The following KAT6B variants were observed in gnomAD, a reference collection of about 807,000 sequenced individuals.
KAT6B encodes histone acetyltransferase KAT6B.
Under a neutral mutation model 187.5 loss-of-function variants are expected in KAT6B, and 10 were observed. The ratio of observed to expected loss-of-function variants is 0.05; its 90% confidence interval spans 0.03 to 0.09. The LOEUF is 0.09. Among genes scored for constraint, KAT6B ranks in the 10% least tolerant of loss-of-function variants. KAT6B has a pLI of 1.00. For synonymous variants in KAT6B, 861 were observed against 926.8 expected (o/e 0.93, Z 1.29); for missense variants, 1,952 against 2,558.9 (o/e 0.76, Z 5.12).
At chr10:74,859,522 A>T (rs745330174) in intron 3 of KAT6B, among the ~76,000 whole-genome samples, 6 of 152,238 alleles carry the variant, frequency 3.9e-5, no homozygotes, top group Non-Finnish European at 7.3e-5. Flanking sequence ...AAAAATTCAG[A>T]AAAATAAACA....
intron 3 of KAT6B, among the ~76,000 whole-genome samples, chr10:74,945,729 C>T (rs1564580341): frequency 6.6e-6 from 1 of 152,130 alleles, no homozygotes; most frequent in Non-Finnish European, 1.5e-5. Context: ...GGATTACAGG[C>T]ATGAGCCACT....
At chr10:74,877,840 C>T (rs924250356) in intron 3 of KAT6B, among the ~76,000 whole-genome samples, 7 of 151,424 alleles carry the variant, frequency 4.6e-5, no homozygotes, top group African/African-American at 1.7e-4. Flanking sequence ...GGTTCTAATC[C>T]TATGTTATCA....
chr10:75,011,921 C>T (rs1039723128), intron 13 of KAT6B, among the ~76,000 whole-genome samples: 1 of 152,144 alleles, frequency 6.6e-6, no homozygotes, highest in African/African-American at 2.4e-5. Context: ...CCACTGCTAC[C>T]ACTATAGCCC....
rs781519333 is a variant in KAT6B, at chr10:75,020,833, G to A, written c.2861+20G>A. On this transcript the variant is annotated intron_variant, in intron 14 of 17. Transcript: ENST00000287239. ...TGGCAGGTGAGTCCTGGGACCCTGG[G>A]CAGCTCCGTGGCTCAGGCATCCCAC... 2 of 1,605,358 alleles carry A rather than the reference G, an allele frequency of 1.2e-6. No individual in the cohort carries two copies. The highest frequency in any genetic ancestry group is 2.2e-5 in the East Asian group (1 of 44,824).
chr10:74,845,807 C>A (rs1040546089), intron 3 of KAT6B, among the ~76,000 whole-genome samples: 5 of 149,132 alleles, frequency 3.4e-5, no homozygotes, highest in Non-Finnish European at 7.4e-5. Context: ...ACCTGTTTTC[C>A]TCAATGCTTT....
At chr10:74,933,392 G>A (rs1328814172) in intron 3 of KAT6B, among the ~76,000 whole-genome samples, 1 of 152,174 alleles carries the variant, frequency 6.6e-6, no homozygotes, top group South Asian at 2.1e-4. Context: ...GTAGGTCACC[G>A]TTGATTTTTG....
chr10:74,856,499 C>T (rs549468748), intron 3 of KAT6B, among the ~76,000 whole-genome samples: 1 of 152,288 alleles, frequency 6.6e-6, no homozygotes, highest in Admixed American at 6.5e-5. Flanking sequence ...AAGACATTGA[C>T]ATTTTTGAAG....
At chr10:75,025,344 C>G in intron 17 of KAT6B, 95 bp downstream of exon 17, 1 of 1,298,752 alleles carries the variant, frequency 7.7e-7, no homozygotes, top group Non-Finnish European at 1.1e-6. Context: ...CCAGAGGCAC[C>G]TGCGAAGTGG....
chr10:74,915,929 G>A (rs1472565401), intron 3 of KAT6B, among the ~76,000 whole-genome samples: 1 of 152,172 alleles, frequency 6.6e-6, no homozygotes, highest in African/African-American at 2.4e-5. Context: ...CTCTTTGGGA[G>A]GCCAAGGCAG....
chr10:74,975,309 G>A (rs536351468), intron 7 of KAT6B, 90 bp from the exon 8 acceptor site: 4 of 1,012,688 alleles, frequency 3.9e-6, no homozygotes, highest in East Asian at 5.2e-5. Flanking sequence ...TAAGCCCATT[G>A]AATGCATCTA....
intron 3 of KAT6B, among the ~76,000 whole-genome samples, chr10:74,844,164 A>G (rs1034657749): frequency 6.6e-6 from 1 of 151,638 alleles, no homozygotes; most frequent in Non-Finnish European, 1.5e-5. Context: ...GTGAGCCACC[A>G]TGCCCAGCTA....
intron 3 of KAT6B, among the ~76,000 whole-genome samples, chr10:74,925,996 G>C (rs1193309933): frequency 6.6e-6 from 1 of 152,200 alleles, no homozygotes; most frequent in African/African-American, 2.4e-5. Context: ...GCGCAGTACA[G>C]TGCCAATATG....
At chr10:74,839,606 C>G (rs1007160208) in intron 2 of KAT6B, among the ~76,000 whole-genome samples, 5 of 152,156 alleles carry the variant, frequency 3.3e-5, no homozygotes, top group Admixed American at 6.5e-5. Context: ...ATATTGGGCA[C>G]TTTTCCTGTG....
At chr10:74,929,730 A>C (rs1848738142) in intron 3 of KAT6B, among the ~76,000 whole-genome samples, 1 of 152,326 alleles carries the variant, frequency 6.6e-6, no homozygotes, top group African/African-American at 2.4e-5. Context: ...CCAAGTAATT[A>C]TTTATTACTA....
At position 75,030,995 on chromosome 10, in the gene KAT6B, G is replaced by C; in HGVS notation, c.6171G>C (p.Met2057Ile). The C allele has an allele frequency of 6.2e-7, 1 of 1,614,166 alleles. No homozygotes were observed. ...CGGCCCCCGGACATCACGGCTACAT[G>C]AACACAGGCATGTCCAAACAGTCTC... The part of the protein sequence containing the change: ...MYTAPGHHGY[M>I]NTGMSKQSLN... The change falls in exon 18 of 18, where the codon ATG becomes ATC. Residue 2057 changes from methionine (M) to isoleucine (I), a missense_variant. Coordinates refer to ENST00000287239, the MANE Select transcript of KAT6B (RefSeq NM_012330.4). The surrounding 1 kb of genome is among the most constrained non-coding windows in gnomAD (Gnocchi z 4.8).
chr10:75,020,614 G>C lies in KAT6B; in HGVS notation c.2662G>C (p.Gly888Arg). 6.2e-7 allele frequency: 1 copy of C among 1,614,210 alleles called. No individual in the cohort carries two copies. Among genetic ancestry groups the C allele is most frequent in the Non-Finnish European group, 8.5e-7 (1 of 1,180,022 alleles). Residue 888 changes from glycine to arginine, a missense_variant, in exon 14 of 18, where the codon GGG becomes CGG. Coordinates refer to ENST00000287239, the MANE Select transcript of KAT6B (RefSeq NM_012330.4). ...GCTTTCTAGAAGAGAAGGCCAAGCA[G>C]GGTCTCCTGAAAAGCCTCTCTCCGA... ...YLLSRREGQA[G>R]SPEKPLSDLG...
chr10:74,898,728 T>C (rs1324093620), intron 3 of KAT6B, among the ~76,000 whole-genome samples: 1 of 152,196 alleles, frequency 6.6e-6, no homozygotes, highest in African/African-American at 2.4e-5. Flanking sequence ...ATACTATTAC[T>C]GTGCTATAGC....
In KAT6B at chr10:75,029,444, G is replaced by T; in HGVS notation, c.4620G>T (p.Glu1540Asp). The T allele has an allele frequency of 1.2e-6, 2 of 1,614,136 alleles. No homozygotes were observed. Among genetic ancestry groups the T allele is most frequent in the Non-Finnish European group, 1.7e-6 (2 of 1,180,034 alleles). ...GNPATMEIDSETVQAVQSLTQ... is the reference protein window; with the variant it reads ...GNPATMEIDSDTVQAVQSLTQ... ...CAGCAACCATGGAAATCGACTCTGA[G>T]ACTGTCCAGGCCGTTCAGTCTTTGA... Residue 1540 changes from glutamate (E) to aspartate (D), a missense_variant, in exon 18 of 18, where the codon GAG (glutamate) becomes GAT (aspartate). By Grantham distance (45) the Glu-to-Asp change is conservative. Coordinates refer to ENST00000287239, the MANE Select transcript of KAT6B (RefSeq NM_012330.4). The surrounding 1 kb of genome is among the most constrained non-coding windows in gnomAD (Gnocchi z 6.2).
intron 3 of KAT6B, among the ~76,000 whole-genome samples, chr10:74,872,792 G>A (rs540510301): frequency 1.8e-4 from 28 of 152,076 alleles, no homozygotes; most frequent in African/African-American, 6.3e-4. Flanking sequence ...TGGGGTTACA[G>A]GCATGAGCCA....
Sources: gnomAD v4.1 joint callset for allele counts (sites outside exome capture counted in the v4.1 genomes callset) on GRCh38, gnomAD v4.1.1 for gene constraint, Gnocchi (gnomAD v3.1) non-coding constraint, MANE v1.5 for transcripts, NCBI Gene and HGNC (gene_info 2026-07-23, HGNC 2026-07-21) for gene names.